Variants in OPCML observed in about 807,000 individuals in gnomAD.
OPCML encodes the protein opioid binding protein/cell adhesion molecule like.
In OPCML, 13 loss-of-function variants were observed where a neutral mutation model predicts 37.8. The observed-to-expected ratio is 0.34, with a 90% CI of 0.22 to 0.55. OPCML has a LOEUF of 0.55. Ranked by LOEUF, OPCML falls within the 20% of genes least tolerant of loss-of-function variation. OPCML has a pLI of 0.91. For missense variants in OPCML, 341 were observed against 435.6 expected (o/e 0.78, Z 1.93); for synonymous variants, 176 against 168.8 (o/e 1.04, Z -0.33).
chr11:132,421,520 A>G (rs950254464), intron 7 of OPCML, among the ~76,000 whole-genome samples: 2 of 152,196 alleles, frequency 1.3e-5, no homozygotes, highest in Non-Finnish European at 1.5e-5. Flanking sequence ...GACTGATGGG[A>G]ACATTTTACT....
At chr11:133,379,826 A>C (rs370605440) in intron 1 of OPCML, among the ~76,000 whole-genome samples, 221 of 152,320 alleles carry the variant, frequency 1.5e-3, no homozygotes, top group African/African-American at 5.1e-3. Flanking sequence ...ATATTCCTGT[A>C]GTAAAAAAGC....
chr11:132,552,389 C>A (rs186953234), intron 3 of OPCML, among the ~76,000 whole-genome samples: 1 of 152,192 alleles, frequency 6.6e-6, no homozygotes, highest in Admixed American at 6.5e-5. Flanking sequence ...TGGAGTTGAT[C>A]CCTCTTTCCT....
intron 1 of OPCML, among the ~76,000 whole-genome samples, chr11:133,294,510 G>A (rs1592175241): frequency 6.6e-6 from 1 of 151,634 alleles, no homozygotes; most frequent in East Asian, 1.9e-4. Context: ...TATTTCTTAA[G>A]AATCTACACT....
chr11:133,519,013 T>G (rs1251491538), intron 1 of OPCML, among the ~76,000 whole-genome samples: 2 of 152,112 alleles, frequency 1.3e-5, no homozygotes, highest in African/African-American at 4.8e-5. Context: ...CGGGAGGTCC[T>G]CGGCCCTGCA....
At chr11:132,682,781 T>C (rs1382287652) in intron 2 of OPCML, among the ~76,000 whole-genome samples, 2 of 152,202 alleles carry the variant, frequency 1.3e-5, no homozygotes, top group African/African-American at 4.8e-5. Flanking sequence ...TCCCGTTACA[T>C]AGATACTAAT....
chr11:132,642,520 T>C (rs1391898581), intron 3 of OPCML, among the ~76,000 whole-genome samples: 1 of 152,220 alleles, frequency 6.6e-6, no homozygotes, highest in Non-Finnish European at 1.5e-5. Context: ...TTATCAAAAC[T>C]TATGATGCCA....
intron 1 of OPCML, chr11:133,302,682 A>G (rs925479559): frequency 6.6e-6 from 1 of 152,338 alleles, no homozygotes; most frequent in East Asian, 1.9e-4. Flanking sequence ...TAACTACTGC[A>G]TTTGGTTTAA....
chr11:133,516,675 C>T (rs1175800042), intron 1 of OPCML, among the ~76,000 whole-genome samples: 1 of 152,054 alleles, frequency 6.6e-6, no homozygotes, highest in Non-Finnish European at 1.5e-5. Flanking sequence ...GTAGATGGTC[C>T]CTGGTGCAGA....
At chr11:132,774,823 T>C (rs1342393468) in intron 2 of OPCML, among the ~76,000 whole-genome samples, 1 of 152,198 alleles carries the variant, frequency 6.6e-6, no homozygotes, top group Non-Finnish European at 1.5e-5. Flanking sequence ...CAGTAGGTGA[T>C]TAATACATTC....
At chr11:132,876,748 G>A (rs1002272207) in intron 2 of OPCML, among the ~76,000 whole-genome samples, 3 of 152,152 alleles carry the variant, frequency 2.0e-5, no homozygotes, top group Admixed American at 6.5e-5. Context: ...GGAGATTGAA[G>A]ATTTAAGGAA....
At chr11:133,043,919 T>C (rs190364749) in intron 1 of OPCML, among the ~76,000 whole-genome samples, 27 of 152,364 alleles carry the variant, frequency 1.8e-4, no homozygotes, top group Admixed American at 5.9e-4. Flanking sequence ...TAAATACTTA[T>C]TGGTGATCTT....
At chr11:132,533,258 G>T (rs932507045) in intron 3 of OPCML, among the ~76,000 whole-genome samples, 1 of 152,160 alleles carries the variant, frequency 6.6e-6, no homozygotes, top group African/African-American at 2.4e-5. Flanking sequence ...CCTTTGCATA[G>T]ATTGTGCAGA....
At position 132,417,459 on chromosome 11, in the gene OPCML, T is replaced by G. The variant is rs1477499425; in HGVS notation, c.*2734A>C. On this transcript the variant is annotated 3_prime_UTR_variant, in exon 8 of 8. Transcript: ENST00000524381. ...CTCTCCCTCTGAAACGTGGCTGGGA[T>G]AGGTACCCACCAGAGGGGCATCTTA... The G allele has an allele frequency of 3.9e-5, 6 of 152,138 alleles. No individual in the cohort carries two copies. The highest frequency in any genetic ancestry group is 7.3e-5 in the Non-Finnish European group (5 of 68,048). 9.4% of individuals were successfully genotyped at this position (152,138 alleles called of 1,614,324 possible).
At chr11:132,656,405 C>T (rs1386787946) in intron 3 of OPCML, among the ~76,000 whole-genome samples, 1 of 152,192 alleles carries the variant, frequency 6.6e-6, no homozygotes, top group Non-Finnish European at 1.5e-5. Flanking sequence ...GCACGTGACA[C>T]AATTCCTGGG....
intron 2 of OPCML, among the ~76,000 whole-genome samples, chr11:132,676,079 G>A (rs1942689081): frequency 6.6e-6 from 1 of 152,132 alleles, no homozygotes; most frequent in African/African-American, 2.4e-5. Flanking sequence ...TGTAGCACTG[G>A]CATAAAGATA....
intron 1 of OPCML, among the ~76,000 whole-genome samples, chr11:132,992,160 ACT>A (rs1469578996): frequency 3.3e-5 from 5 of 152,196 alleles, no homozygotes; most frequent in African/African-American, 4.8e-5. Context: ...GTTATATATA[ACT>A]CAACTCAGAA....
rs141562115 is a variant in OPCML, at chr11:132,553,266, G to A, written c.380-24080C>T. ...GCACAGCATCTTCACTTAACAGATG[G>A]ATCGTGGCTTATGGATCAGAACTGA... On this transcript the variant is annotated intron_variant, in intron 3 of 7. Coordinates refer to ENST00000524381, the MANE Select transcript of OPCML (RefSeq NM_001012393.5). Among the ~76,000 whole-genome samples the A allele has an allele frequency of 4.9e-3, 750 of 152,304 alleles. 6 individuals carry two copies. The Middle Eastern group carries it at 0.051, about 10-fold the overall frequency.
chr11:133,031,759 T>A (rs956204963), intron 1 of OPCML, among the ~76,000 whole-genome samples: 3 of 150,230 alleles, frequency 2.0e-5, no homozygotes, highest in South Asian at 4.2e-4. Flanking sequence ...TATAGAACAG[T>A]ATGACAGAAA....
rs116292712 is a variant in OPCML at position 132,665,468 on chromosome 11, C to T, written c.147-8149G>A. On this transcript the variant is annotated intron_variant, in intron 2 of 7. Coordinates refer to ENST00000524381, the MANE Select transcript of OPCML (RefSeq NM_001012393.5). The stretch of plus-strand genomic sequence containing the variant: ...CAGCTCAGAACAGAGTATCTGATGC[C>T]GGGAAGGAAAATGAAAGGAGTGATT... Among the ~76,000 whole-genome samples the T allele has an allele frequency of 4.9e-3, 739 of 152,066 alleles. 3 individuals carry two copies. The highest frequency in any genetic ancestry group is 0.013 in the African/African-American group (531 of 41,478).
Sources: gnomAD v4.1 joint callset for allele counts (sites outside exome capture counted in the v4.1 genomes callset) on GRCh38, gnomAD v4.1.1 for gene constraint, MANE v1.5 for transcripts, NCBI Gene and HGNC (gene_info 2026-07-23, HGNC 2026-07-21) for gene names.